The following SPAG16 variants were observed in gnomAD, a reference collection of about 807,000 sequenced individuals.
The protein encoded by SPAG16 is sperm associated antigen 16, also known as sperm-associated antigen 16 protein.
In SPAG16, 86 loss-of-function variants were observed where a neutral mutation model predicts 80.4. That is an observed-to-expected ratio of 1.07 (90% CI 0.90 to 1.28). SPAG16 has a LOEUF of 1.28. Among genes scored for constraint, SPAG16 ranks in the 50% most tolerant of loss-of-function variants. The pLI is 0.00. For synonymous variants in SPAG16, 294 were observed against 265.9 expected (o/e 1.11, Z -1.03); for missense variants, 870 against 765.3 (o/e 1.14, Z -1.61).
chr2:213,553,198 T>C (rs1362322388), intron 10 of SPAG16, among the ~76,000 whole-genome samples: 1 of 152,158 alleles, frequency 6.6e-6, no homozygotes, highest in African/African-American at 2.4e-5. Context: ...CTAGCCTTCA[T>C]CTGTCCATAC....
At chr2:214,289,966 A>G (rs529913108) in intron 15 of SPAG16, among the ~76,000 whole-genome samples, 2 of 152,138 alleles carry the variant, frequency 1.3e-5, no homozygotes, top group African/African-American at 2.4e-5. Context: ...CACCTCTTCA[A>G]TTTTTTTGAA....
At chr2:213,919,984 A>G (rs189795151) in intron 11 of SPAG16, among the ~76,000 whole-genome samples, 1 of 152,312 alleles carries the variant, frequency 6.6e-6, no homozygotes, top group East Asian at 1.9e-4. Flanking sequence ...TGTTGAATGC[A>G]TATATATTTA....
chr2:214,336,596 G>T (rs1697306296), intron 15 of SPAG16, among the ~76,000 whole-genome samples: 1 of 151,960 alleles, frequency 6.6e-6, no homozygotes, highest in South Asian at 2.1e-4. Context: ...AGGCATTTTT[G>T]AATACTTTGG....
chr2:213,725,355 G>T (rs1323590898), intron 10 of SPAG16, among the ~76,000 whole-genome samples: 1 of 152,142 alleles, frequency 6.6e-6, no homozygotes, highest in Non-Finnish European at 1.5e-5. Flanking sequence ...CAATTGCTGT[G>T]TGCCTCACTA....
intron 9 of SPAG16, among the ~76,000 whole-genome samples, chr2:213,417,386 T>C (rs758369195): frequency 2.6e-5 from 4 of 152,260 alleles, no homozygotes; most frequent in Non-Finnish European, 5.9e-5. Context: ...CAATATCTTA[T>C]ATAGAGAAAA....
intron 10 of SPAG16, among the ~76,000 whole-genome samples, chr2:213,663,229 TA>T (rs2063487575): frequency 6.6e-6 from 1 of 152,110 alleles, no homozygotes; most frequent in Non-Finnish European, 1.5e-5. Context: ...AGTGAGTTCT[TA>T]ATCCCTTCTG....
chr2:213,541,961 G>C (rs1270962267), intron 10 of SPAG16, among the ~76,000 whole-genome samples: 1 of 152,188 alleles, frequency 6.6e-6, no homozygotes, highest in African/African-American at 2.4e-5. Context: ...ATGAGTCCCA[G>C]GTGCCATCGT....
At chr2:213,391,022 C>G (rs1248215982) in intron 9 of SPAG16, among the ~76,000 whole-genome samples, 2 of 152,166 alleles carry the variant, frequency 1.3e-5, no homozygotes, top group Non-Finnish European at 2.9e-5. Flanking sequence ...GTAATCCCAG[C>G]ACTTTGGGAG....
At chr2:214,255,848 T>A (rs1362799146) in intron 15 of SPAG16, among the ~76,000 whole-genome samples, 2 of 151,978 alleles carry the variant, frequency 1.3e-5, no homozygotes, top group Admixed American at 6.6e-5. Flanking sequence ...TATTGGTTTG[T>A]TTACGAATTA....
chr2:213,860,821 C>A (rs761809812), intron 10 of SPAG16, among the ~76,000 whole-genome samples: 14 of 152,136 alleles, frequency 9.2e-5, no homozygotes, highest in Non-Finnish European at 2.1e-4. Flanking sequence ...GGTAATTTAT[C>A]ATCTGGTCAA....
At chr2:214,233,488 G>C (rs771827432) in intron 15 of SPAG16, among the ~76,000 whole-genome samples, 1 of 151,908 alleles carries the variant, frequency 6.6e-6, no homozygotes, top group Non-Finnish European at 1.5e-5. Flanking sequence ...TCAACCAAGA[G>C]GTACAGTTGG....
intron 13 of SPAG16, among the ~76,000 whole-genome samples, chr2:214,060,094 T>C (rs1024520535): frequency 4.6e-5 from 7 of 152,166 alleles, no homozygotes; most frequent in African/African-American, 1.7e-4. Flanking sequence ...AAGCAACCTT[T>C]GAAAGACTAC....
intron 14 of SPAG16, among the ~76,000 whole-genome samples, chr2:214,123,257 G>A (rs182347424): frequency 7.7e-4 from 116 of 150,718 alleles, no homozygotes; most frequent in Non-Finnish European, 1.5e-3. Flanking sequence ...AGATTCTATT[G>A]CACCACCCCC....
intron 5 of SPAG16, among the ~76,000 whole-genome samples, chr2:213,320,488 A>T (rs56336545): frequency 6.6e-6 from 1 of 152,028 alleles, no homozygotes; most frequent in Middle Eastern, 3.4e-3. Flanking sequence ...GTGATATTGA[A>T]CACTAGAAGT....
chr2:213,913,506 G>C (rs1357476558), intron 11 of SPAG16, among the ~76,000 whole-genome samples: 1 of 151,862 alleles, frequency 6.6e-6, no homozygotes, highest in Non-Finnish European at 1.5e-5. Flanking sequence ...GTCTGTGTGT[G>C]TGTGTGTGTC....
chr2:213,530,821 A>G (rs1197636540), intron 10 of SPAG16, among the ~76,000 whole-genome samples: 2 of 151,720 alleles, frequency 1.3e-5, no homozygotes, highest in Non-Finnish European at 2.9e-5. Context: ...TTTCTTCCAT[A>G]TATTTTATTC....
chr2:213,639,243 G>A (rs2062493598), intron 10 of SPAG16, among the ~76,000 whole-genome samples: 1 of 152,134 alleles, frequency 6.6e-6, no homozygotes, highest in African/African-American at 2.4e-5. Context: ...TACATTCAAA[G>A]TTAGTATTGA....
intron 1 of SPAG16, among the ~76,000 whole-genome samples, chr2:213,292,683 AAC>A (rs1432731477): frequency 1.1e-5 from 1 of 90,724 alleles, no homozygotes; most frequent in African/African-American, 3.4e-5. Context: ...AAACAAAAAA[AAC>A]AAAAAAAAAC....
intron 9 of SPAG16, among the ~76,000 whole-genome samples, chr2:213,449,557 T>C (rs2071562938): frequency 6.6e-6 from 1 of 152,204 alleles, no homozygotes. Flanking sequence ...AATTCCTCTC[T>C]TTATACTGTC....
Sources: gnomAD v4.1 joint callset for allele counts (sites outside exome capture counted in the v4.1 genomes callset) on GRCh38, gnomAD v4.1.1 for gene constraint, MANE v1.5 for transcripts, NCBI Gene and HGNC (gene_info 2026-07-23, HGNC 2026-07-21) for gene names.